Variants in PRKAG2 observed in about 807,000 individuals in gnomAD.
PRKAG2 encodes protein kinase AMP-activated non-catalytic subunit gamma 2.
Under a neutral mutation model 69.6 loss-of-function variants are expected in PRKAG2, and 26 were observed. That is an observed-to-expected ratio of 0.37 (90% confidence interval 0.27 to 0.52). The LOEUF (loss-of-function observed/expected upper bound fraction) is 0.52, where lower values mean the gene tolerates loss of function less well. Ranked by LOEUF, PRKAG2 falls within the 20% of genes least tolerant of loss-of-function variation. The pLI is 0.90. For missense variants in PRKAG2, 557 were observed against 740.0 expected (o/e 0.75, Z 2.87); for synonymous variants, 293 against 285.0 (o/e 1.03, Z -0.28).
intron 3 of PRKAG2, among the ~76,000 whole-genome samples, chr7:151,757,026 C>T (rs919990513): frequency 1.3e-5 from 2 of 152,068 alleles, no homozygotes; most frequent in Non-Finnish European, 2.9e-5. Context: ...TCTGACCCCC[C>T]GGTTTTTGGT....
At chr7:151,792,855 T>C (rs1020189049) in intron 1 of PRKAG2, among the ~76,000 whole-genome samples, 1 of 152,180 alleles carries the variant, frequency 6.6e-6, no homozygotes, top group African/African-American at 2.4e-5. Flanking sequence ...GGGCCTTGCG[T>C]CCGCCGAGGC....
rs1394472823 is a variant in PRKAG2 at position 151,614,086 on chromosome 7, C to T, written c.754+17983G>A. 6.6e-6 allele frequency among the ~76,000 whole-genome samples: 1 copy of T among 152,198 alleles called. No homozygotes were observed. Among genetic ancestry groups the T allele is most frequent in the Admixed American group, 6.5e-5 (1 of 15,282 alleles). ...CAGACACCCCCGCTCCAGTGACCAA[C>T]TCTCTGGTCTCACTGGAGCCGACCA... On this transcript the variant is annotated intron_variant, in intron 5 of 15. Transcript: ENST00000287878. This position sits in a 1 kb window ranked among gnomAD's most constrained non-coding sequence, Gnocchi z 4.4.
chr7:151,743,378 G>A (rs2074036877), intron 3 of PRKAG2, among the ~76,000 whole-genome samples: 1 of 152,116 alleles, frequency 6.6e-6, no homozygotes, highest in Non-Finnish European at 1.5e-5. Context: ...AAGGCTTCCA[G>A]GTCACCATTC....
At chr7:151,694,158 G>GCC (rs1836195846) in intron 3 of PRKAG2, among the ~76,000 whole-genome samples, 1 of 152,246 alleles carries the variant, frequency 6.6e-6, no homozygotes, top group East Asian at 1.9e-4. Context: ...ACAGGCGTGA[G>GCC]CCACAGTGCC....
intron 1 of PRKAG2, among the ~76,000 whole-genome samples, chr7:151,819,638 T>C (rs996419281): frequency 2.0e-5 from 3 of 152,228 alleles, no homozygotes; most frequent in African/African-American, 7.2e-5. Flanking sequence ...TAATGGAGTC[T>C]AAACAAAAAC....
chr7:151,773,023 A>AGG (rs1436077847), intron 3 of PRKAG2, among the ~76,000 whole-genome samples: 2 of 55,056 alleles, frequency 3.6e-5, no homozygotes, highest in Non-Finnish European at 7.0e-5. Context: ...GAAAGAAAGA[A>AGG]AGAGAGAGAG....
At chr7:151,744,691 T>C (rs1315515202) in intron 3 of PRKAG2, among the ~76,000 whole-genome samples, 1 of 152,204 alleles carries the variant, frequency 6.6e-6, no homozygotes, top group Non-Finnish European at 1.5e-5. Context: ...TGAGACTCCG[T>C]GTAACCACCC....
At chr7:151,744,452 C>T (rs975043195) in intron 3 of PRKAG2, among the ~76,000 whole-genome samples, 5 of 152,166 alleles carry the variant, frequency 3.3e-5, no homozygotes, top group African/African-American at 4.8e-5. Flanking sequence ...ATCTGAGAGC[C>T]GAGGGCGTCA....
intron 3 of PRKAG2, among the ~76,000 whole-genome samples, chr7:151,749,624 C>T (rs2151732641): frequency 6.6e-6 from 1 of 152,092 alleles, no homozygotes. Flanking sequence ...AACAAAAAGA[C>T]AATCCAATCA....
At chr7:151,730,746 T>C (rs1798797744) in intron 3 of PRKAG2, among the ~76,000 whole-genome samples, 2 of 152,186 alleles carry the variant, frequency 1.3e-5, no homozygotes, top group South Asian at 4.1e-4. Flanking sequence ...GAGCACAAGA[T>C]GGTCCCCACA....
intron 3 of PRKAG2, among the ~76,000 whole-genome samples, chr7:151,713,239 T>C (rs987254235): frequency 6.6e-6 from 1 of 152,198 alleles, no homozygotes; most frequent in African/African-American, 2.4e-5. Flanking sequence ...AGTTTGCAGA[T>C]CTACATCCCT....
chr7:151,761,412 T>G (rs1426146763), intron 3 of PRKAG2, among the ~76,000 whole-genome samples: 2 of 152,200 alleles, frequency 1.3e-5, no homozygotes, highest in Non-Finnish European at 2.9e-5. Context: ...ATTGGCCTTT[T>G]GAGATGTCTT....
intron 3 of PRKAG2, among the ~76,000 whole-genome samples, chr7:151,705,397 C>T (rs1275905443): frequency 2.0e-5 from 3 of 152,090 alleles, no homozygotes; most frequent in Non-Finnish European, 4.4e-5. Context: ...TTAATCCAGC[C>T]GGGAAAGTTG....
chr7:151,779,211 C>T (rs1586474266), intron 3 of PRKAG2, among the ~76,000 whole-genome samples: 1 of 152,208 alleles, frequency 6.6e-6, no homozygotes, highest in East Asian at 1.9e-4. Context: ...TTTTTCCAGA[C>T]CCAGTTTCTA....
chr7:151,561,007 C>T (rs914511133), intron 14 of PRKAG2, among the ~76,000 whole-genome samples: 4 of 152,268 alleles, frequency 2.6e-5, no homozygotes, highest in Middle Eastern at 3.4e-3. Flanking sequence ...ACCTTAGGCT[C>T]TAATGTTCAA....
chr7:151,586,755 G>C (rs141561003), intron 6 of PRKAG2, among the ~76,000 whole-genome samples: 3 of 152,172 alleles, frequency 2.0e-5, no homozygotes, highest in African/African-American at 4.8e-5. Flanking sequence ...CAATAGGACC[G>C]GGGCTTCTCT....
chr7:151,595,248 A>G, intron 6 of PRKAG2, 97 bp downstream of exon 6: 1 of 853,370 alleles, frequency 1.2e-6, no homozygotes, highest in Non-Finnish European at 1.9e-6. Flanking sequence ...CAAAGGACTC[A>G]ATAAACGTTT....
At chr7:151,693,153 C>A (rs1231817596) in intron 3 of PRKAG2, among the ~76,000 whole-genome samples, 6 of 152,206 alleles carry the variant, frequency 3.9e-5, no homozygotes, top group Admixed American at 3.9e-4. Context: ...CTCTGCATAT[C>A]CCTGAAAGGT....
chr7:151,851,139 C>A (rs2079558235), intron 1 of PRKAG2, among the ~76,000 whole-genome samples: 1 of 152,130 alleles, frequency 6.6e-6, no homozygotes, highest in African/African-American at 2.4e-5. Context: ...AAAACAAACA[C>A]ACACAACTCA....
Sources: allele counts gnomAD v4.1 joint callset (sites outside exome capture counted in the v4.1 genomes callset), GRCh38; gene constraint gnomAD v4.1.1; non-coding constraint Gnocchi (gnomAD v3.1); transcripts MANE v1.5; gene names NCBI Gene and HGNC (gene_info 2026-07-23, HGNC 2026-07-21).